The following ATP8A1 variants were observed in gnomAD, a reference collection of about 807,000 sequenced individuals.
The protein encoded by ATP8A1 is ATPase phospholipid transporting 8A1, also known as phospholipid-transporting ATPase IA.
A neutral mutation model predicts 177.7 loss-of-function variants in ATP8A1; 90 were observed. The observed-to-expected ratio is 0.51, with a 90% CI of 0.43 to 0.60. The LOEUF (loss-of-function observed/expected upper bound fraction) is 0.60, where lower values mean the gene tolerates loss of function less well. Among genes scored for constraint, ATP8A1 ranks in the 20% least tolerant of loss-of-function variants. ATP8A1 has a pLI of 0.00. For synonymous variants in ATP8A1, 493 were observed against 485.9 expected, an observed-to-expected ratio of 1.01 and a Z score of -0.19; for missense variants, 1,072 against 1,392.8, an observed-to-expected ratio of 0.77 and a Z score of 3.67.
intron 33 of ATP8A1, among the ~76,000 whole-genome samples, chr4:42,429,945 A>G (rs974194085): frequency 3.9e-5 from 6 of 152,316 alleles, no homozygotes; most frequent in Middle Eastern, 3.4e-3. Context: ...AGCAAGCCCA[A>G]TGGTGACTGC....
rs775602693 is a variant in ATP8A1 at position 42,576,739 on chromosome 4, T to C, written c.1129-1040A>G. The stretch of plus-strand genomic sequence containing the variant: ...TTCTGAAATAGGTTATTGAGTTTTA[T>C]GTGCCATGTGTTAAGAGAGAGATTA... On this transcript the variant is annotated intron_variant, in intron 12 of 36. Transcript: ENST00000381668. 1.2e-3 allele frequency among the ~76,000 whole-genome samples: 189 copies of C among 152,306 alleles called. 1 individual carries two copies. The highest frequency in any genetic ancestry group is 4.1e-3 in the African/African-American group (171 of 41,576).
At chr4:42,417,545 G>C (rs1420198933) in intron 35 of ATP8A1, among the ~76,000 whole-genome samples, 2 of 152,090 alleles carry the variant, frequency 1.3e-5, no homozygotes, top group Admixed American at 1.3e-4. Context: ...TAAACATTTG[G>C]TGGAGGTGAA....
At chr4:42,638,860 G>A (rs1411349875) in intron 1 of ATP8A1, among the ~76,000 whole-genome samples, 1 of 152,096 alleles carries the variant, frequency 6.6e-6, no homozygotes, top group African/African-American at 2.4e-5. Context: ...GTGGCATTAA[G>A]TTCACCTCTA....
At chr4:42,528,302 G>A (rs1037485061) in intron 20 of ATP8A1, among the ~76,000 whole-genome samples, 4 of 152,162 alleles carry the variant, frequency 2.6e-5, no homozygotes, top group African/African-American at 9.7e-5. Flanking sequence ...AGCCATGAGA[G>A]CTGCCTCTCC....
At chr4:42,540,507 G>T (rs1257247914) in intron 20 of ATP8A1, among the ~76,000 whole-genome samples, 1 of 151,210 alleles carries the variant, frequency 6.6e-6, no homozygotes, top group East Asian at 1.9e-4. Flanking sequence ...ATTCACAATA[G>T]CAAAGATATG....
chr4:42,545,712 G>A (rs1240163487), intron 19 of ATP8A1, among the ~76,000 whole-genome samples: 4 of 152,200 alleles, frequency 2.6e-5, no homozygotes, highest in Non-Finnish European at 5.9e-5. Context: ...GGTGGCTTAC[G>A]CCTGTAATCC....
intron 20 of ATP8A1, among the ~76,000 whole-genome samples, chr4:42,542,624 C>T (rs1194597502): frequency 2.0e-5 from 3 of 151,990 alleles, no homozygotes; most frequent in Non-Finnish European, 4.4e-5. Flanking sequence ...GTGTAATGTT[C>T]CCCTTCCCGT....
intron 30 of ATP8A1, among the ~76,000 whole-genome samples, chr4:42,448,244 C>T (rs369301045): frequency 9.1e-4 from 139 of 152,088 alleles, no homozygotes; most frequent in Middle Eastern, 3.4e-3. Context: ...TGGATTCTCA[C>T]GTTTTGGTTG....
chr4:42,602,416 T>C lies in ATP8A1; in HGVS notation c.410-1898A>G, dbSNP rs527807510. On this transcript the variant is annotated intron_variant, in intron 5 of 36. Coordinates refer to ENST00000381668, the MANE Select transcript of ATP8A1 (RefSeq NM_006095.2). ...TCCGGTAGAAAAGCAAGAGGTGCTG[T>C]CTCTGCCAGAGTCCAACAGTATGTT... 4.6e-5 allele frequency among the ~76,000 whole-genome samples: 7 copies of C among 152,300 alleles called. No homozygotes were observed. In the South Asian group the frequency reaches 1.4e-3, roughly 32 times the overall value.
At chr4:42,503,062 C>T (rs190403744) in intron 24 of ATP8A1, among the ~76,000 whole-genome samples, 32 of 152,290 alleles carry the variant, frequency 2.1e-4, no homozygotes, top group Admixed American at 1.9e-3. Flanking sequence ...TGTTCAATAG[C>T]TTTCACATTT....
At chr4:42,531,969 G>A (rs1285941659) in intron 20 of ATP8A1, among the ~76,000 whole-genome samples, 2 of 152,038 alleles carry the variant, frequency 1.3e-5, no homozygotes, top group Non-Finnish European at 1.5e-5. Flanking sequence ...AGGTGTGGTG[G>A]TGCGTGCTTG....
intron 11 of ATP8A1, 149 bp from the exon 12 acceptor site, chr4:42,578,536 A>C: frequency 1.2e-6 from 1 of 846,620 alleles, no homozygotes; most frequent in South Asian, 1.8e-5. Flanking sequence ...CTAATTCTCA[A>C]GTACATCCTT....
At chr4:42,441,402 G>C (rs925946898) in intron 33 of ATP8A1, among the ~76,000 whole-genome samples, 2 of 151,982 alleles carry the variant, frequency 1.3e-5, no homozygotes, top group Non-Finnish European at 2.9e-5. Flanking sequence ...AGAATTTTAA[G>C]ATTAGAAAAA....
At position 42,459,964 on chromosome 4, in the gene ATP8A1, T is replaced by C. The variant is rs186805672; in HGVS notation, c.2620-4365A>G. 4.9e-4 allele frequency among the ~76,000 whole-genome samples: 75 copies of C among 152,132 alleles called. No individual in the cohort carries two copies. The East Asian group carries it at 0.014, about 28-fold the overall frequency. On this transcript the variant is annotated intron_variant, in intron 27 of 36. Coordinates refer to ENST00000381668, the MANE Select transcript of ATP8A1 (RefSeq NM_006095.2). ...CTGCCACCACGCCTGGCTAATTTTT[T>C]GTATTTTTAGTAGAGACAGAGTTTC...
intron 15 of ATP8A1, among the ~76,000 whole-genome samples, chr4:42,560,781 A>G (rs1170047509): frequency 6.6e-6 from 1 of 152,144 alleles, no homozygotes; most frequent in African/African-American, 2.4e-5. Context: ...CTTAGGTTGC[A>G]CAGAGAAAAG....
chr4:42,435,461 A>AAAAAAAAAAAAAAAAAAAAAAAAAAC (rs1553871738), intron 33 of ATP8A1, among the ~76,000 whole-genome samples: 3 of 122,384 alleles, frequency 2.5e-5, no homozygotes, highest in Non-Finnish European at 3.5e-5. Context: ...AAAAAAAAAA[A>AAAAAAAAAAAAAAAAAAAAAAAAAAC]AACAAACTAT....
chr4:42,511,736 T>C (rs1490244978), intron 22 of ATP8A1, among the ~76,000 whole-genome samples: 1 of 152,212 alleles, frequency 6.6e-6, no homozygotes, highest in East Asian at 1.9e-4. Flanking sequence ...TTTTCCCCAA[T>C]ACATGTATAT....
intron 20 of ATP8A1, among the ~76,000 whole-genome samples, chr4:42,530,337 A>T (rs1727135103): frequency 6.6e-6 from 1 of 152,230 alleles, no homozygotes; most frequent in Non-Finnish European, 1.5e-5. Flanking sequence ...ACCTGGTGGC[A>T]GATTTTTGCA....
intron 17 of ATP8A1, 98 bp downstream of exon 17, chr4:42,552,407 A>C: frequency 1.0e-6 from 1 of 1,004,862 alleles, no homozygotes; most frequent in Non-Finnish European, 1.5e-6. Flanking sequence ...TTTTTATCTA[A>C]AAAACACTCA....
Sources: allele counts gnomAD v4.1 joint callset (sites outside exome capture counted in the v4.1 genomes callset), GRCh38; gene constraint gnomAD v4.1.1; transcripts MANE v1.5; gene names NCBI Gene and HGNC (gene_info 2026-07-23, HGNC 2026-07-21).